Variants in EMCN observed in about 807,000 individuals in gnomAD.
EMCN encodes endomucin.
A neutral mutation model predicts 38.4 loss-of-function variants in EMCN; 37 were observed. The observed-to-expected ratio is 0.96, with a 90% CI of 0.74 to 1.27. The LOEUF (loss-of-function observed/expected upper bound fraction) is 1.27. EMCN is among the 50% of genes most tolerant of loss of function. The pLI, the probability that EMCN is intolerant of heterozygous loss-of-function variation, is 0.00. For missense variants in EMCN, 318 were observed against 302.8 expected (o/e 1.05, Z -0.37); for synonymous variants, 95 against 100.8 (o/e 0.94, Z 0.35).
chr4:100,425,726 A>T (rs1727027862), intron 5 of EMCN, among the ~76,000 whole-genome samples: 1 of 151,824 alleles, frequency 6.6e-6, no homozygotes, highest in African/African-American at 2.4e-5. Context: ...AGAGAGTTGA[A>T]CCTCCCAACC....
At chr4:100,438,387 T>C (rs1260837410) in intron 5 of EMCN, among the ~76,000 whole-genome samples, 8 of 152,060 alleles carry the variant, frequency 5.3e-5, no homozygotes, top group African/African-American at 1.9e-4. Flanking sequence ...GAAATTGTTT[T>C]TTTCAGTTAG....
chr4:100,421,555 C>T (rs928254279), intron 7 of EMCN, among the ~76,000 whole-genome samples, 178 bp from the exon 8 acceptor site: 3 of 152,002 alleles, frequency 2.0e-5, no homozygotes, highest in Non-Finnish European at 2.9e-5. Context: ...TCATCTTTGA[C>T]ATAACCACTT....
chr4:100,435,209 C>T (rs1458253863), intron 5 of EMCN, among the ~76,000 whole-genome samples: 1 of 152,162 alleles, frequency 6.6e-6, no homozygotes, highest in Non-Finnish European at 1.5e-5. Context: ...GCAAAAATCA[C>T]TAGCATTCCT....
intron 5 of EMCN, among the ~76,000 whole-genome samples, chr4:100,429,494 G>A (rs917411411): frequency 2.6e-5 from 4 of 151,912 alleles, no homozygotes; most frequent in Non-Finnish European, 4.4e-5. Flanking sequence ...ATTAATTCCC[G>A]CTCTCATCTG....
At chr4:100,435,595 G>A (rs1727329070) in intron 5 of EMCN, among the ~76,000 whole-genome samples, 1 of 152,136 alleles carries the variant, frequency 6.6e-6, no homozygotes. Context: ...AAAGAACAAA[G>A]CTGGAGGCAT....
chr4:100,496,351 G>C (rs573340262), intron 1 of EMCN, among the ~76,000 whole-genome samples: 1 of 152,170 alleles, frequency 6.6e-6, no homozygotes, highest in East Asian at 1.9e-4. Flanking sequence ...AGCCTTCTAG[G>C]GAGAAAAAAA....
intron 4 of EMCN, among the ~76,000 whole-genome samples, chr4:100,460,766 T>C (rs146909362): frequency 6.6e-6 from 1 of 152,186 alleles, no homozygotes; most frequent in African/African-American, 2.4e-5. Flanking sequence ...CCGTTGATTG[T>C]TTCCTTTTCT....
Position 100,428,281 on chromosome 4 carries a change from T to C in EMCN, c.416-4877A>G, listed in dbSNP as rs180996890. 3.3e-5 allele frequency among the ~76,000 whole-genome samples: 5 copies of C among 152,310 alleles called. No individual in the cohort carries two copies. In the East Asian group the frequency reaches 9.6e-4, roughly 29 times the overall value. On this transcript the variant is annotated intron_variant, in intron 5 of 11. Coordinates refer to ENST00000296420, the MANE Select transcript of EMCN (RefSeq NM_016242.4). Reference sequence around the variant, plus strand: ...CCTCTCCTCAAGTTCTAGCTCTGCCTGGATGTTCTTCCTCCACATATTGGG... The same window carrying C: ...CCTCTCCTCAAGTTCTAGCTCTGCCCGGATGTTCTTCCTCCACATATTGGG...
chr4:100,408,760 G>A (rs1726466053), intron 11 of EMCN, among the ~76,000 whole-genome samples: 1 of 152,140 alleles, frequency 6.6e-6, no homozygotes, highest in Non-Finnish European at 1.5e-5. Flanking sequence ...GGCAGCAGGG[G>A]CAGGGACCTT....
chr4:100,516,217 A>T (rs925542441), intron 1 of EMCN, among the ~76,000 whole-genome samples: 2 of 152,096 alleles, frequency 1.3e-5, no homozygotes, highest in Non-Finnish European at 2.9e-5. Flanking sequence ...CATAACAGAA[A>T]AACCTGCCAG....
intron 2 of EMCN, among the ~76,000 whole-genome samples, chr4:100,475,682 T>G (rs1310436521): frequency 7.8e-6 from 1 of 128,950 alleles, no homozygotes; most frequent in South Asian, 2.7e-4. Flanking sequence ...TTTTTTTTTT[T>G]TTTTTTTTTT....
chr4:100,410,480 C>A, intron 10 of EMCN, 125 bp from the exon 11 acceptor site: 1 of 841,004 alleles, frequency 1.2e-6, no homozygotes, highest in African/African-American at 1.7e-5. Context: ...GTCATTAAAG[C>A]CACCATTTGC....
chr4:100,452,305 A>G (rs1727865898), intron 4 of EMCN, among the ~76,000 whole-genome samples: 1 of 152,048 alleles, frequency 6.6e-6, no homozygotes, highest in Admixed American at 6.6e-5. Flanking sequence ...AAATGTTATC[A>G]ATTCCTACTA....
At chr4:100,425,984 G>A (rs11939510) in intron 5 of EMCN, among the ~76,000 whole-genome samples, 26,995 of 151,946 alleles carry the variant, frequency 0.18, 3,927 homozygotes, top group East Asian at 0.77. Context: ...GAAACTTCAG[G>A]TCAGAACTTG....
At chr4:100,491,963 A>G (rs1394027774) in intron 1 of EMCN, among the ~76,000 whole-genome samples, 1 of 152,230 alleles carries the variant, frequency 6.6e-6, no homozygotes, top group Non-Finnish European at 1.5e-5. Flanking sequence ...TCACATGTAC[A>G]GACACCAATG....
In EMCN at chr4:100,395,723, G is replaced by T. The variant is rs142848812; in HGVS notation, c.*2690C>A. Reference sequence around the variant, plus strand: ...ATACTCATAAATTTAAATATGGTAGGTAGAAAAGAAATAACACACAGATTT... The same window carrying T: ...ATACTCATAAATTTAAATATGGTAGTTAGAAAAGAAATAACACACAGATTT... On this transcript the variant is annotated 3_prime_UTR_variant, in exon 12 of 12. Transcript: ENST00000296420. The T allele has an allele frequency of 9.2e-5, 14 of 152,226 alleles. No individual in the cohort carries two copies. The East Asian group carries it at 2.5e-3, about 27-fold the overall frequency. The allele number at this position is 152,226 out of a possible 1,614,324, so 9.4% of individuals were successfully genotyped here. A position where few individuals can be genotyped will look rare whatever the true frequency, so the allele number is the denominator to read the frequency against.
intron 1 of EMCN, among the ~76,000 whole-genome samples, chr4:100,510,684 T>A (rs1219696878): frequency 6.6e-6 from 1 of 152,154 alleles, no homozygotes; most frequent in Non-Finnish European, 1.5e-5. Context: ...ATCATCTCCA[T>A]TTTACAGCTG....
chr4:100,506,850 A>G (rs936622116), intron 1 of EMCN, among the ~76,000 whole-genome samples: 1 of 152,148 alleles, frequency 6.6e-6, no homozygotes, highest in Non-Finnish European at 1.5e-5. Flanking sequence ...GACAAATTTC[A>G]GTCTGTTGTT....
chr4:100,505,044 T>C (rs892478000), intron 1 of EMCN, among the ~76,000 whole-genome samples: 3 of 152,184 alleles, frequency 2.0e-5, no homozygotes, highest in African/African-American at 7.2e-5. Context: ...GCTGTCTCTC[T>C]CTCTTTCTCT....
Sources: allele counts gnomAD v4.1 joint callset (sites outside exome capture counted in the v4.1 genomes callset), GRCh38; gene constraint gnomAD v4.1.1; transcripts MANE v1.5; gene names NCBI Gene and HGNC (gene_info 2026-07-23, HGNC 2026-07-21).